Variants in NBEAL2 observed in about 807,000 individuals in gnomAD.
The protein encoded by NBEAL2 is neurobeachin-like protein 2.
In NBEAL2, 160 loss-of-function variants were observed where a neutral mutation model predicts 299.8. The ratio of observed to expected loss-of-function variants is 0.53; its 90% CI spans 0.47 to 0.61. The LOEUF (loss-of-function observed/expected upper bound fraction) is 0.61. NBEAL2 is among the 20% of genes least tolerant of loss of function. NBEAL2 has a pLI of 0.00. For missense variants in NBEAL2, 3,112 were observed against 3,649.0 expected (o/e 0.85, Z 3.79); for synonymous variants, 1,493 against 1,542.3 (o/e 0.97, Z 0.75).
Position 46,996,774 on chromosome 3 carries a change from A to C in NBEAL2, c.2497A>C (p.Lys833Gln). The C allele has an allele frequency of 6.2e-7, 1 of 1,612,494 alleles. No individual in the cohort carries two copies. The highest frequency in any genetic ancestry group is 2.2e-5 in the East Asian group (1 of 44,868). The change falls in exon 17 of 54, where the codon AAG (lysine) becomes CAG (glutamine). Residue 833 changes from lysine to glutamine, a missense_variant. Around this residue, in one of 3 missense-constraint regions of NBEAL2, gnomAD observed 2,243 missense variants for 2,538.1 expected, o/e 0.88. Coordinates refer to ENST00000450053, the MANE Select transcript of NBEAL2 (RefSeq NM_015175.3). ...TLGPNETAPF[K>Q]PEGELHELST... is the part of the protein sequence containing the mutation. Reference sequence around the variant, plus strand: ...AGGGCCCAATGAGACGGCACCCTTCAAGCCTGAGGGGGAGCTGCATGAGCT... The same window carrying C: ...AGGGCCCAATGAGACGGCACCCTTCCAGCCTGAGGGGGAGCTGCATGAGCT...
At chr3:47,002,861 C>T (rs548851477) in intron 33 of NBEAL2, 59 bp downstream of exon 33, 3 of 1,557,818 alleles carry the variant, frequency 1.9e-6, no homozygotes, top group South Asian at 2.4e-5. Context: ...GGGAGGGAGC[C>T]ACCTGGAGCC....
rs185057557 is a variant in NBEAL2 at position 46,992,495 on chromosome 3, G to A, written c.1053G>A (p.Ala351=). 269 of 1,606,294 alleles carry A rather than the reference G, an allele frequency of 1.7e-4. No individual in the cohort carries two copies. The East Asian group carries it at 1.7e-3, about 10-fold the overall frequency. ...QNSKLYLQSR[A]PPEGDSDLAT... ...CACAGCTGTACCTGCAGTCCCGGGCGCCCCCCGAGGGGGACAGTGACCTGG... is the reference window on the plus strand; with the variant it reads ...CACAGCTGTACCTGCAGTCCCGGGCACCCCCCGAGGGGGACAGTGACCTGG... Residue 351 remains alanine (A), a synonymous_variant, in exon 10 of 54, where the codon GCG becomes GCA. Transcript: ENST00000450053.
Position 47,007,072 on chromosome 3 carries a change from A to T in NBEAL2, c.7141A>T (p.Ser2381Cys). 6 of 1,610,690 alleles carry T rather than the reference A, an allele frequency of 3.7e-6. No homozygotes were observed. The highest frequency in any genetic ancestry group is 4.2e-6 in the Non-Finnish European group (5 of 1,178,168). ...CCTGCCCTTGCCCCTGCAGGTTGTC[A>T]GTGATGGTGTACCCCTGGTGCTAGC... ...ELKAFFAEVVSDGVPLVLALV... is the reference protein window; with the variant it reads ...ELKAFFAEVVCDGVPLVLALV... The change falls in exon 46 of 54, where the codon AGT (serine) becomes TGT (cysteine). Residue 2381 changes from serine (S) to cysteine (C), a missense_variant. Physicochemically the swap from Ser to Cys is moderately radical, Grantham distance 112 (BLOSUM62 -1). Transcript: ENST00000450053.
chr3:46,999,713 C>A lies in NBEAL2; in HGVS notation c.3787C>A (p.Gln1263Lys). The stretch of plus-strand genomic sequence containing the variant: ...CAGCGTTCGCCTAGACATCTGTCGC[C>A]AGGTGAGCATGAGAGGTAAAAGCTT... ...DLSVRLDICR[Q>K]LFHLIYGQPD... The change falls in exon 26 of 54, where the codon CAG becomes AAG. Residue 1263 changes from glutamine (Q) to lysine (K), a missense_variant and splice_region_variant. Coordinates refer to ENST00000450053, the MANE Select transcript of NBEAL2 (RefSeq NM_015175.3). 6.2e-7 allele frequency: 1 copy of A among 1,613,112 alleles called. No individual in the cohort carries two copies. Among genetic ancestry groups the A allele is most frequent in the Non-Finnish European group, 8.5e-7 (1 of 1,179,664 alleles).
Position 47,005,115 on chromosome 3 carries a change from C to G in NBEAL2, c.6419+19C>G, listed in dbSNP as rs369719577. On this transcript the variant is annotated intron_variant, in intron 39 of 53. Transcript: ENST00000450053. The stretch of plus-strand genomic sequence containing the variant: ...GGGAGAAGTGAGCATGTGGGCAGGG[C>G]TGGGCTCAGCGGGTAGGGAAAGGCG... The G allele has an allele frequency of 8.1e-6, 13 of 1,613,856 alleles. No individual in the cohort carries two copies. In the South Asian group the frequency reaches 1.4e-4, roughly 18 times the overall value.
intron 11 of NBEAL2, 97 bp from the exon 12 acceptor site, chr3:46,994,358 C>G: frequency 8.6e-7 from 1 of 1,164,870 alleles, no homozygotes; most frequent in East Asian, 2.6e-5. Flanking sequence ...CGCAAGGGAA[C>G]CCCAAAACAT....
At position 46,999,346 on chromosome 3, in the gene NBEAL2, T is replaced by A. The variant is rs766340442; in HGVS notation, c.3575T>A (p.Leu1192Gln). The change falls in exon 25 of 54, where the codon CTA (leucine) becomes CAA (glutamine). Residue 1192 changes from leucine (L) to glutamine (Q), a missense_variant. Coordinates refer to ENST00000450053, the MANE Select transcript of NBEAL2 (RefSeq NM_015175.3). ...CGCAGACTGCAGCAGAATGAGCGGC[T>A]ACCTGAGCGGAGCCGCCAGCGCCTC... ...ILRRLQQNERLPERSRQRLRL... is the reference protein window; with the variant it reads ...ILRRLQQNERQPERSRQRLRL... 21 of 1,611,006 alleles carry A rather than the reference T, an allele frequency of 1.3e-5. No homozygotes were observed. The highest frequency in any genetic ancestry group is 8.4e-5 in the Admixed American group (5 of 59,806).
Position 47,003,097 on chromosome 3 carries a change from G to A in NBEAL2, c.5584+16G>A, listed in dbSNP as rs147967593. Reference sequence around the variant, plus strand: ...GACAATCTGGGTGAGGGAGTGTGCTGAGATGGGTCCACCCAACTCGATTGT... The same window carrying A: ...GACAATCTGGGTGAGGGAGTGTGCTAAGATGGGTCCACCCAACTCGATTGT... On this transcript the variant is annotated intron_variant, in intron 34 of 53. Coordinates refer to ENST00000450053, the MANE Select transcript of NBEAL2 (RefSeq NM_015175.3). This position sits in a 1 kb window ranked among gnomAD's most constrained non-coding sequence, Gnocchi z 7.0. The A allele has an allele frequency of 1.1e-3, 1,727 of 1,612,242 alleles. 1 individual carries two copies. The highest frequency in any genetic ancestry group is 2.0e-3 in the Admixed American group (120 of 59,846).
rs751816975 is a variant in NBEAL2, at chr3:46,991,534, A to G, written c.771A>G (p.Ala257=). Reference sequence around the variant, plus strand: ...TGGCTCTAGAGGCACTGGTAGGTGCAGTCCATGTCTTGCATGCCAGCCGCG... The same window carrying G: ...TGGCTCTAGAGGCACTGGTAGGTGCGGTCCATGTCTTGCATGCCAGCCGCG... The part of the protein sequence containing the change: ...VPLALEALVG[A]VHVLHASRAP... The change falls in exon 8 of 54, where the codon GCA becomes GCG. Residue 257 remains alanine, a synonymous_variant. Transcript: ENST00000450053. The surrounding 1 kb of genome is among the most constrained non-coding windows in gnomAD (Gnocchi z 6.2). The G allele has an allele frequency of 3.1e-6, 5 of 1,609,320 alleles. No homozygotes were observed. The South Asian group carries it at 3.3e-5, about 11-fold the overall frequency.
At position 47,006,445 on chromosome 3, in the gene NBEAL2, C is replaced by T; in HGVS notation, c.7130C>T (p.Ala2377Val). ...CTGGACGAACTCAAGGCATTCTTCG[C>T]AGAGGTGAAAGGAAGACAAGACCTC... ...QHLDELKAFF[A>V]EVVSDGVPLV... Residue 2377 changes from alanine to valine, a missense_variant, in exon 45 of 54, where the codon GCA becomes GTA. Ala to Val is a moderately conservative substitution (Grantham distance 64). Around this residue, in one of 3 missense-constraint regions of NBEAL2, gnomAD observed 521 missense variants for 729.6 expected, o/e 0.71. Transcript: ENST00000450053. The T allele has an allele frequency of 6.3e-7, 1 of 1,575,352 alleles. No homozygotes were observed. Among genetic ancestry groups the T allele is most frequent in the South Asian group, 1.2e-5 (1 of 85,666 alleles).
At chr3:46,995,666 C>T (rs201762779) in intron 13 of NBEAL2, 33 bp downstream of exon 13, 104 of 1,608,990 alleles carry the variant, frequency 6.5e-5, no homozygotes, top group Middle Eastern at 5.0e-4. Flanking sequence ...GGACCTCCTG[C>T]CAGGGTGAGC....
At chr3:46,983,618 A>G (rs1267535125) in intron 1 of NBEAL2, among the ~76,000 whole-genome samples, 1 of 152,120 alleles carries the variant, frequency 6.6e-6, no homozygotes, top group Non-Finnish European at 1.5e-5. Flanking sequence ...TTATCTGGTC[A>G]TATCCTTTTT....
Position 47,005,283 on chromosome 3 carries a change from G to A in NBEAL2, c.6522G>A (p.Glu2174=), listed in dbSNP as rs775971218. Reference sequence around the variant, plus strand: ...TGATGCACTACCTCATCCGCGTGGAGCCCTTCACCTCCCTGCACGTCCAGC... The same window carrying A: ...TGATGCACTACCTCATCCGCGTGGAACCCTTCACCTCCCTGCACGTCCAGC... ...AGVMHYLIRV[E]PFTSLHVQLQ... Residue 2174 remains glutamate (E), a synonymous_variant, in exon 40 of 54, where the codon GAG becomes GAA. Coordinates refer to ENST00000450053, the MANE Select transcript of NBEAL2 (RefSeq NM_015175.3). 6.2e-7 allele frequency: 1 copy of A among 1,613,178 alleles called. No homozygotes were observed. Among genetic ancestry groups the A allele is most frequent in the East Asian group, 2.2e-5 (1 of 44,872 alleles).
intron 1 of NBEAL2, among the ~76,000 whole-genome samples, chr3:46,985,289 T>C (rs1275903537): frequency 6.6e-6 from 1 of 152,142 alleles, no homozygotes; most frequent in East Asian, 1.9e-4. Flanking sequence ...GATCAAGCCG[T>C]GATGGTGACA....
At chr3:46,992,741 G>GACTACAGA (rs1205964042) in intron 10 of NBEAL2, among the ~76,000 whole-genome samples, 186 bp downstream of exon 10, 1 of 152,204 alleles carries the variant, frequency 6.6e-6, no homozygotes, top group Non-Finnish European at 1.5e-5. Context: ...GACAGAAGGT[G>GACTACAGA]GTCTATCCCC....
Position 47,008,840 on chromosome 3 carries a change from A to G in NBEAL2, c.8028-149A>G, listed in dbSNP as rs970422934. 18 of 1,436,226 alleles carry G rather than the reference A, an allele frequency of 1.3e-5. No individual in the cohort carries two copies. In the African/African-American group the frequency reaches 2.3e-4, roughly 18 times the overall value. The allele number at this position is 1,436,226 out of a possible 1,614,324, so 89.0% of individuals were successfully genotyped here. A position where few individuals can be genotyped will look rare whatever the true frequency, so the allele number is the denominator to read the frequency against. On this transcript the variant is annotated intron_variant, in intron 52 of 53. Coordinates refer to ENST00000450053, the MANE Select transcript of NBEAL2 (RefSeq NM_015175.3). ...TCTTGCCCTGGGCCTCCGCTTAGCC[A>G]CAGTTGTGGGAGATTTCTTTGTGTA...
At chr3:47,006,300 A>T (rs1559620513) in intron 44 of NBEAL2, 33 bp from the exon 45 acceptor site, 1 of 1,605,952 alleles carries the variant, frequency 6.2e-7, no homozygotes, top group South Asian at 1.1e-5. Flanking sequence ...AGGGATGCCC[A>T]TGCCATGGTG....
chr3:46,996,647 G>T (rs1040806750), intron 16 of NBEAL2, 55 bp downstream of exon 16: 25 of 1,521,958 alleles, frequency 1.6e-5, no homozygotes, highest in South Asian at 2.6e-5. Context: ...TAGGGGTCCG[G>T]GGGGAGAAGG....
chr3:46,998,305 C>G (rs954821983), intron 21 of NBEAL2, 79 bp downstream of exon 21: 1 of 1,544,084 alleles, frequency 6.5e-7, no homozygotes. Context: ...TCTGGGGGAT[C>G]TGAGGGACTC....
Sources: gnomAD v4.1 joint callset for allele counts (sites outside exome capture counted in the v4.1 genomes callset) on GRCh38, gnomAD v4.1.1 for gene constraint, gnomAD v4.1.1 regional missense constraint, Gnocchi (gnomAD v3.1) non-coding constraint, MANE v1.5 for transcripts, NCBI Gene and HGNC (gene_info 2026-07-23, HGNC 2026-07-21) for gene names.